ADAM22: variants seen among roughly 807,000 people sequenced by gnomAD.
ADAM22 encodes the protein ADAM metallopeptidase domain 22.
A neutral mutation model predicts 144.6 loss-of-function variants in ADAM22; 65 were observed. That is an observed-to-expected ratio of 0.45 (90% confidence interval 0.37 to 0.55). The LOEUF (loss-of-function observed/expected upper bound fraction) is 0.55, where lower values mean the gene tolerates loss of function less well. Among genes scored for constraint, ADAM22 ranks in the 20% least tolerant of loss-of-function variants. The pLI is 0.00. For synonymous variants in ADAM22, 391 were observed against 412.6 expected, an observed-to-expected ratio of 0.95 and a Z score of 0.63; for missense variants, 974 against 1,184.9, an observed-to-expected ratio of 0.82 and a Z score of 2.61.
intron 3 of ADAM22, among the ~76,000 whole-genome samples, chr7:88,052,564 A>C (rs1806794441): frequency 6.6e-6 from 1 of 152,160 alleles, no homozygotes; most frequent in Non-Finnish European, 1.5e-5. Flanking sequence ...TACTTTTAGA[A>C]TCTTTAGCAA....
At chr7:88,104,157 C>T (rs149944073) in intron 4 of ADAM22, among the ~76,000 whole-genome samples, 4 of 152,096 alleles carry the variant, frequency 2.6e-5, no homozygotes, top group African/African-American at 9.6e-5. Context: ...CTGGTTCACC[C>T]CCGTAATGGA....
intron 2 of ADAM22, among the ~76,000 whole-genome samples, chr7:87,965,401 A>G (rs1848832318): frequency 6.6e-6 from 1 of 152,236 alleles, no homozygotes; most frequent in African/African-American, 2.4e-5. Context: ...ATATGGTCCT[A>G]TGTTTAAAGT....
rs1807183581 is a variant in ADAM22 at position 88,053,591 on chromosome 7, G to GAAAGAAA, written c.324-22035_324-22034insAAAGAAA. Reference sequence around the variant, plus strand: ...AGGAAGGAGGAAAGGAAGGAAGGAAGGAAAGAAAGAAAGAAAGAAAGAAAG... The same window carrying GAAAGAAA: ...AGGAAGGAGGAAAGGAAGGAAGGAAGAAAGAAAGAAAGAAAGAAAGAAAGAAAGAAAG... On this transcript the variant is annotated intron_variant, in intron 3 of 31. Coordinates refer to ENST00000413139, the MANE Select transcript of ADAM22 (RefSeq NM_001324418.2). 8.1e-4 allele frequency among the ~76,000 whole-genome samples: 92 copies of GAAAGAAA among 113,376 alleles called. No individual in the cohort carries two copies. In the East Asian group the frequency reaches 8.2e-3, roughly 10 times the overall value. 74.4% of individuals were successfully genotyped at this position (113,376 alleles called of 152,430 possible).
intron 4 of ADAM22, among the ~76,000 whole-genome samples, chr7:88,084,191 A>C (rs1333133466): frequency 6.6e-6 from 1 of 152,124 alleles, no homozygotes; most frequent in Non-Finnish European, 1.5e-5. Flanking sequence ...GAAAAATTGT[A>C]CCTAATCAGC....
chr7:88,135,334 T>G (rs1355506021), intron 13 of ADAM22, among the ~76,000 whole-genome samples: 1 of 148,428 alleles, frequency 6.7e-6, no homozygotes, highest in Admixed American at 6.7e-5. Context: ...ACCTATTATA[T>G]GCCAGATGAT....
At chr7:88,131,703 C>T (rs994235571) in intron 11 of ADAM22, 42 of 471,838 alleles carry the variant, frequency 8.9e-5, no homozygotes, top group South Asian at 8.5e-4. Context: ...ACTGCTAATA[C>T]TCATATATAG....
At chr7:87,934,718 T>C in intron 1 of ADAM22, 168 bp downstream of exon 1, 1 of 689,978 alleles carries the variant, frequency 1.4e-6, no homozygotes, top group Non-Finnish European at 2.4e-6. Context: ...CAAAAATATA[T>C]GTGTGGAGGC....
At position 88,153,209 on chromosome 7, in the gene ADAM22, T is replaced by G. The variant is rs1197171404; in HGVS notation, c.1682-12T>G. 6.2e-7 allele frequency: 1 copy of G among 1,602,698 alleles called. No individual in the cohort carries two copies. The highest frequency in any genetic ancestry group is 2.2e-5 in the East Asian group (1 of 44,790). On this transcript the variant is annotated splice_polypyrimidine_tract_variant and intron_variant, in intron 20 of 31. Transcript: ENST00000413139. The stretch of plus-strand genomic sequence containing the variant: ...ACTTCCCTCACTGATAGAAAATTTT[T>G]TTCTGCCTTAGAGGTGACAGCATCA...
intron 3 of ADAM22, among the ~76,000 whole-genome samples, chr7:88,025,651 A>C (rs1267870818): frequency 6.6e-6 from 1 of 152,078 alleles, no homozygotes; most frequent in African/African-American, 2.4e-5. Flanking sequence ...TATTCTTGGC[A>C]CCTTTGTTGA....
intron 4 of ADAM22, among the ~76,000 whole-genome samples, chr7:88,093,089 G>A (rs1270313810): frequency 3.9e-5 from 6 of 151,972 alleles, no homozygotes; most frequent in Non-Finnish European, 8.8e-5. Context: ...ATATTTCCAT[G>A]TATGGAACTA....
At chr7:88,032,531 A>G (rs963153698) in intron 3 of ADAM22, among the ~76,000 whole-genome samples, 1 of 152,188 alleles carries the variant, frequency 6.6e-6, no homozygotes, top group African/African-American at 2.4e-5. Context: ...CTTGTCTCAG[A>G]TGTGACTTTG....
At position 88,054,118 on chromosome 7, in the gene ADAM22, C is replaced by A. The variant is rs191425913; in HGVS notation, c.324-21508C>A. Among the ~76,000 whole-genome samples, 33 of 152,142 alleles carry A rather than the reference C, an allele frequency of 2.2e-4. 1 individual carries two copies. Among genetic ancestry groups the A allele is most frequent in the Admixed American group, 1.1e-3 (17 of 15,286 alleles). On this transcript the variant is annotated intron_variant, in intron 3 of 31. Transcript: ENST00000413139. ...CTGCACTTCAGCCTGAGCGACAGAG[C>A]GAGACTCCATCTCAAAAACAAAAAC...
intron 5 of ADAM22, among the ~76,000 whole-genome samples, chr7:88,109,436 G>A (rs557879742): frequency 5.6e-4 from 85 of 152,128 alleles, no homozygotes; most frequent in African/African-American, 2.0e-3. Flanking sequence ...TAACTAAATC[G>A]TTTCATTTCC....
chr7:88,163,507 G>A (rs144813481), intron 23 of ADAM22, among the ~76,000 whole-genome samples: 9 of 152,054 alleles, frequency 5.9e-5, no homozygotes, highest in African/African-American at 1.9e-4. Context: ...TTTTAAGAAA[G>A]AGAATAAAAA....
rs929445125 is a variant in ADAM22 at position 88,053,596 on chromosome 7, GAA to G, written c.324-22028_324-22027del. On this transcript the variant is annotated intron_variant, in intron 3 of 31. Transcript: ENST00000413139. ...GGAGGAAAGGAAGGAAGGAAGGAAA[GAA>G]AGAAAGAAAGAAAGAAAGAAAGAAA... is the stretch of plus-strand genomic sequence containing the variant. Among the ~76,000 whole-genome samples, 10 of 33,392 alleles carry G rather than the reference GAA, an allele frequency of 3.0e-4. 1 individual carries two copies. Among genetic ancestry groups the G allele is most frequent in the African/African-American group, 7.4e-4 (9 of 12,170 alleles). 21.9% of individuals were successfully genotyped at this position (33,392 alleles called of 152,430 possible).
intron 4 of ADAM22, among the ~76,000 whole-genome samples, chr7:88,104,025 A>G (rs945468526): frequency 6.6e-5 from 10 of 152,172 alleles, no homozygotes; most frequent in African/African-American, 9.6e-5. Context: ...CTAGTACTCT[A>G]TCCTGCATAT....
chr7:88,161,133 AC>A lies in ADAM22; in HGVS notation c.1908-1872del, dbSNP rs542324338. 4.7e-5 allele frequency among the ~76,000 whole-genome samples: 7 copies of A among 149,592 alleles called. No individual in the cohort carries two copies. The South Asian group carries it at 1.3e-3, about 27-fold the overall frequency. ...TAAGAATAATAATAATAAAAAACCA[AC>A]CCCCCCACCCAAAAAAAATCACTTC... On this transcript the variant is annotated intron_variant, in intron 22 of 31. Coordinates refer to ENST00000413139, the MANE Select transcript of ADAM22 (RefSeq NM_001324418.2).
At chr7:88,135,761 G>GT (rs1218547156) in intron 13 of ADAM22, among the ~76,000 whole-genome samples, 3 of 151,962 alleles carry the variant, frequency 2.0e-5, no homozygotes, top group East Asian at 1.9e-4. Context: ...AAATACAAGG[G>GT]TTTTTTTGGG....
intron 4 of ADAM22, among the ~76,000 whole-genome samples, chr7:88,093,153 C>CT (rs1820382645): frequency 6.6e-6 from 1 of 151,832 alleles, no homozygotes; most frequent in Admixed American, 6.6e-5. Context: ...TAGAACTAAC[C>CT]TTTTCATTAT....
Sources: gnomAD v4.1 joint callset for allele counts (sites outside exome capture counted in the v4.1 genomes callset) on GRCh38, gnomAD v4.1.1 for gene constraint, MANE v1.5 for transcripts, NCBI Gene and HGNC (gene_info 2026-07-23, HGNC 2026-07-21) for gene names.